The following CADPS variants were observed in gnomAD, a reference collection of about 807,000 sequenced individuals.
CADPS encodes calcium-dependent secretion activator 1.
A neutral mutation model predicts 167.3 loss-of-function variants in CADPS; 57 were observed. The ratio of observed to expected loss-of-function variants is 0.34; its 90% CI spans 0.28 to 0.42. CADPS has a LOEUF of 0.42. Among genes scored for constraint, CADPS ranks in the 20% least tolerant of loss-of-function variants. The probability of loss-of-function intolerance (pLI) is 1.00; values close to 1 mark genes in which losing one functional copy is unlikely to be tolerated. For missense variants in CADPS, 1,414 were observed against 1,738.1 expected (o/e 0.81, Z 3.32); for synonymous variants, 676 against 635.3 (o/e 1.06, Z -0.96).
At chr3:62,656,115 T>C (rs549437568) in intron 4 of CADPS, among the ~76,000 whole-genome samples, 52 of 152,296 alleles carry the variant, frequency 3.4e-4, no homozygotes, top group Admixed American at 1.6e-3. Flanking sequence ...CACAGAATTA[T>C]TGTGAAAAGT....
chr3:62,775,477 A>C (rs894372485), intron 1 of CADPS, among the ~76,000 whole-genome samples: 30 of 152,194 alleles, frequency 2.0e-4, no homozygotes, highest in Admixed American at 8.5e-4. Flanking sequence ...CATATGACTT[A>C]ATATTGCCAC....
intron 27 of CADPS, among the ~76,000 whole-genome samples, chr3:62,442,202 T>C (rs1192824637): frequency 6.7e-6 from 1 of 149,138 alleles, no homozygotes; most frequent in Non-Finnish European, 1.5e-5. Flanking sequence ...AGTGGTATGC[T>C]GGTAAACTGA....
intron 28 of CADPS, among the ~76,000 whole-genome samples, chr3:62,408,797 G>T (rs2149195160): frequency 6.6e-6 from 1 of 152,348 alleles, no homozygotes; most frequent in South Asian, 2.1e-4. Flanking sequence ...AGTAGTGGCT[G>T]AGAGGAGATA....
intron 1 of CADPS, among the ~76,000 whole-genome samples, chr3:62,873,618 T>A (rs2083058560): frequency 4.9e-5 from 1 of 20,270 alleles, no homozygotes; most frequent in Non-Finnish European, 1.1e-4. Flanking sequence ...AATAGGCGCC[T>A]TTTTTTTTTT....
chr3:62,499,144 C>T lies in CADPS; in HGVS notation c.2706+18G>A. The T allele has an allele frequency of 6.5e-7, 1 of 1,528,442 alleles. No homozygotes were observed. The highest frequency in any genetic ancestry group is 9.1e-7 in the Non-Finnish European group (1 of 1,102,230). The allele number at this position is 1,528,442 out of a possible 1,614,324, so 94.7% of individuals were successfully genotyped here. A position where few individuals can be genotyped will look rare whatever the true frequency, so the allele number is the denominator to read the frequency against. On this transcript the variant is annotated intron_variant, in intron 18 of 29. Transcript: ENST00000383710. ...AGCTAAGGGACAGTAAGATACACTT[C>T]CCACCAAGCCTGCTCACCTCTGCGT...
At chr3:62,762,135 T>G (rs1279753293) in intron 2 of CADPS, among the ~76,000 whole-genome samples, 3 of 152,174 alleles carry the variant, frequency 2.0e-5, no homozygotes, top group Non-Finnish European at 2.9e-5. Flanking sequence ...TTTCATTTAT[T>G]AAAAGATGAT....
At chr3:62,423,668 T>C (rs2051966948) in intron 28 of CADPS, among the ~76,000 whole-genome samples, 1 of 152,204 alleles carries the variant, frequency 6.6e-6, no homozygotes, top group Non-Finnish European at 1.5e-5. Context: ...TCTTCATCTA[T>C]AAAAACCTAC....
intron 17 of CADPS, among the ~76,000 whole-genome samples, chr3:62,511,938 T>C (rs886637179): frequency 6.6e-6 from 1 of 152,162 alleles, no homozygotes; most frequent in Non-Finnish European, 1.5e-5. Context: ...ATATCTTCCC[T>C]ACCAGAGAGA....
chr3:62,489,671 C>A (rs1015233526), intron 21 of CADPS, among the ~76,000 whole-genome samples: 1 of 152,094 alleles, frequency 6.6e-6, no homozygotes, highest in Non-Finnish European at 1.5e-5. Flanking sequence ...TGAAGGATAC[C>A]AATTATTCTC....
intron 3 of CADPS, among the ~76,000 whole-genome samples, chr3:62,749,986 TA>T (rs1376364011): frequency 2.0e-5 from 3 of 152,328 alleles, no homozygotes; most frequent in Admixed American, 6.5e-5. Context: ...TAATGCATAT[TA>T]TTTTTTTGTA....
chr3:62,485,492 T>C (rs957294154), intron 21 of CADPS, among the ~76,000 whole-genome samples: 3 of 152,224 alleles, frequency 2.0e-5, no homozygotes, highest in Non-Finnish European at 4.4e-5. Context: ...CTTTTCCTTA[T>C]GTTATTTGTA....
At position 62,753,219 on chromosome 3, in the gene CADPS, T is replaced by C. The variant is rs890642851; in HGVS notation, c.888+222A>G. Among the ~76,000 whole-genome samples, 5 of 152,220 alleles carry C rather than the reference T, an allele frequency of 3.3e-5. No individual in the cohort carries two copies. The highest frequency in any genetic ancestry group is 5.9e-5 in the Non-Finnish European group (4 of 68,038). On this transcript the variant is annotated intron_variant, in intron 3 of 29. Transcript: ENST00000383710. The surrounding 1 kb of genome is among the most constrained non-coding windows in gnomAD (Gnocchi z 4.6). ...CAATGAGCTCAATGCCTAGGGCCCC[T>C]GAGACTTTTAAGGGCTCATAAAAAT...
intron 6 of CADPS, among the ~76,000 whole-genome samples, chr3:62,642,718 C>T (rs2067675109): frequency 6.6e-6 from 1 of 151,986 alleles, no homozygotes; most frequent in Non-Finnish European, 1.5e-5. Flanking sequence ...AGACCAGCCT[C>T]AGCAACATGG....
At chr3:62,586,087 C>T (rs181771875) in intron 7 of CADPS, among the ~76,000 whole-genome samples, 4 of 152,206 alleles carry the variant, frequency 2.6e-5, no homozygotes, top group Non-Finnish European at 1.5e-5. Flanking sequence ...TTTGTGATCA[C>T]GGAGTTCTCA....
At chr3:62,403,406 A>G in intron 28 of CADPS, 1 of 348,410 alleles carries the variant, frequency 2.9e-6, no homozygotes. Context: ...TAAGACAGTT[A>G]GGACTTCGAA....
In CADPS at chr3:62,518,225, C is replaced by G; in HGVS notation, c.2317G>C (p.Val773Leu). Reference protein sequence around the residue: ...NRPDGIGTVTVEEKERFEEIK... With the variant: ...NRPDGIGTVTLEEKERFEEIK... ...TCTTCAAAACGTTCCTTTTCTTCAA[C>G]AGTCACAGTTCCAATTCCATCAGGC... is the stretch of plus-strand genomic sequence containing the variant. The change falls in exon 14 of 30, where the codon GTT becomes CTT. Residue 773 changes from valine (V) to leucine (L), a missense_variant. Around this residue, in one of 6 missense-constraint regions of CADPS, gnomAD observed 529 missense variants for 629.6 expected, o/e 0.84. Coordinates refer to ENST00000383710, the MANE Select transcript of CADPS (RefSeq NM_003716.4). The G allele has an allele frequency of 6.2e-7, 1 of 1,612,598 alleles. No homozygotes were observed. The highest frequency in any genetic ancestry group is 8.5e-7 in the Non-Finnish European group (1 of 1,179,300).
rs768113975 is a variant in CADPS, at chr3:62,784,761, CAA to C, written c.442-18779_442-18778del. On this transcript the variant is annotated intron_variant, in intron 1 of 29. Coordinates refer to ENST00000383710, the MANE Select transcript of CADPS (RefSeq NM_003716.4). The stretch of plus-strand genomic sequence containing the variant: ...TTCAAGTAAAGAATGCAAGCAAAAA[CAA>C]AAAAAAAAAATAGGGAGAGAGAAAT... 1.3e-3 allele frequency among the ~76,000 whole-genome samples: 78 copies of C among 61,148 alleles called. No homozygotes were observed. The South Asian group carries it at 0.016, about 12-fold the overall frequency. The allele number at this position is 61,148 out of a possible 152,430, so 40.1% of individuals were successfully genotyped here. A position where few individuals can be genotyped will look rare whatever the true frequency, so the allele number is the denominator to read the frequency against.
chr3:62,822,421 T>G (rs1402433140), intron 1 of CADPS, among the ~76,000 whole-genome samples: 2 of 152,186 alleles, frequency 1.3e-5, no homozygotes, highest in Admixed American at 1.3e-4. Context: ...GCACCAGGCA[T>G]GAGGCAGAGT....
intron 1 of CADPS, among the ~76,000 whole-genome samples, chr3:62,853,623 T>TAAAAAA (rs71126559): frequency 4.2e-5 from 5 of 118,234 alleles, no homozygotes; most frequent in South Asian, 2.7e-4. Flanking sequence ...AAAACTCCAC[T>TAAAAAA]AAAAAAAAAA....
Sources: gnomAD v4.1 joint callset for allele counts (sites outside exome capture counted in the v4.1 genomes callset) on GRCh38, gnomAD v4.1.1 for gene constraint, gnomAD v4.1.1 regional missense constraint, Gnocchi (gnomAD v3.1) non-coding constraint, MANE v1.5 for transcripts, NCBI Gene and HGNC (gene_info 2026-07-23, HGNC 2026-07-21) for gene names.